Variants in CACNA1B observed in about 807,000 individuals in gnomAD.
CACNA1B encodes voltage-dependent N-type calcium channel subunit alpha-1B.
CACNA1B carries 70 observed loss-of-function variants against 247.2 expected under a neutral mutation model. The observed-to-expected ratio is 0.28, with a 90% confidence interval of 0.23 to 0.35. The LOEUF (loss-of-function observed/expected upper bound fraction) is 0.35. Ranked by LOEUF, CACNA1B falls within the 10% of genes least tolerant of loss-of-function variation. The pLI, the probability that CACNA1B is intolerant of heterozygous loss-of-function variation, is 1.00. For synonymous variants in CACNA1B, 1,231 were observed against 1,294.4 expected, an observed-to-expected ratio of 0.95 and a Z score of 1.05; for missense variants, 2,367 against 3,197.4, an observed-to-expected ratio of 0.74 and a Z score of 6.26.
At chr9:138,001,837 A>G (rs1404583355) in intron 15 of CACNA1B, among the ~76,000 whole-genome samples, 1 of 152,212 alleles carries the variant, frequency 6.6e-6, no homozygotes, top group Non-Finnish European at 1.5e-5. Context: ...AGGTACCCAG[A>G]AATAAATCTA....
chr9:138,006,431 T>C (rs1395512526), intron 15 of CACNA1B, among the ~76,000 whole-genome samples: 2 of 152,174 alleles, frequency 1.3e-5, no homozygotes, highest in Non-Finnish European at 2.9e-5. Flanking sequence ...ATGGCGCTGT[T>C]TCGTCTCTCC....
chr9:137,894,138 CAAGAGTACA>C lies in CACNA1B; in HGVS notation c.530+11266_530+11274del, dbSNP rs149005047. Among the ~76,000 whole-genome samples, 1,169 of 152,130 alleles carry C rather than the reference CAAGAGTACA, an allele frequency of 7.7e-3. 14 individuals are homozygous for C. The highest frequency in any genetic ancestry group is 0.024 in the African/African-American group (977 of 41,512). On this transcript the variant is annotated intron_variant, in intron 3 of 46. Transcript: ENST00000371372. ...TTCTCACTTCTCTGGGATAAATGAC[CAAGAGTACA>C]AAGAGTACAATCATTAGGCCATGCT...
chr9:138,079,301 G>C (rs1465991243), intron 36 of CACNA1B, among the ~76,000 whole-genome samples: 1 of 152,256 alleles, frequency 6.6e-6, no homozygotes, highest in East Asian at 1.9e-4. Context: ...TCTACCCCAA[G>C]GGCATTGAGG....
chr9:138,120,577 C>G, intron 45 of CACNA1B, 54 bp from the exon 46 acceptor site: 2 of 1,461,804 alleles, frequency 1.4e-6, no homozygotes, highest in Non-Finnish European at 1.8e-6. Flanking sequence ...GCCCGGGGGT[C>G]AGGGGTCCCT....
chr9:137,960,222 C>T (rs1440760897), intron 10 of CACNA1B, among the ~76,000 whole-genome samples: 6 of 11,560 alleles, frequency 5.2e-4, no homozygotes, highest in African/African-American at 1.7e-3. Flanking sequence ...GAAGGTCGGC[C>T]GGAGGGAAGC....
rs1043182414 is a variant in CACNA1B, at chr9:137,954,275, C to T, written c.1071-1423C>T. ...CAGCCTTGCTCTGTGGGAAAAGCCG[C>T]GGCTCTGCCATGTCTGGGCGAGAGC... On this transcript the variant is annotated intron_variant, in intron 7 of 46. Coordinates refer to ENST00000371372, the MANE Select transcript of CACNA1B (RefSeq NM_000718.4). This position sits in a 1 kb window ranked among gnomAD's most constrained non-coding sequence, Gnocchi z 4.1. Among the ~76,000 whole-genome samples, 11 of 152,182 alleles carry T rather than the reference C, an allele frequency of 7.2e-5. No homozygotes were observed. Among genetic ancestry groups the T allele is most frequent in the Non-Finnish European group, 1.5e-4 (10 of 68,016 alleles).
intron 20 of CACNA1B, among the ~76,000 whole-genome samples, chr9:138,035,386 G>A (rs1003415098): frequency 2.0e-5 from 3 of 152,196 alleles, no homozygotes; most frequent in South Asian, 2.1e-4. Flanking sequence ...TTGAACCCAG[G>A]AGGTGGAGAC....
rs529775086 is a variant in CACNA1B, at chr9:137,990,040, C to T, written c.1974+3186C>T. On this transcript the variant is annotated intron_variant, in intron 15 of 46. Transcript: ENST00000371372. This position sits in a 1 kb window ranked among gnomAD's most constrained non-coding sequence, Gnocchi z 4.5. ...GCTCCAAGAACTACCACGGGAAGTT[C>T]TTGGAACTACCACAGGCAAGTTCTC... Among the ~76,000 whole-genome samples the T allele has an allele frequency of 3.9e-5, 6 of 152,230 alleles. No individual in the cohort carries two copies. Among genetic ancestry groups the T allele is most frequent in the Admixed American group, 3.9e-4 (6 of 15,302 alleles).
intron 12 of CACNA1B, among the ~76,000 whole-genome samples, chr9:137,982,372 A>G (rs1012241686): frequency 5.9e-5 from 9 of 152,144 alleles, no homozygotes; most frequent in Non-Finnish European, 7.3e-5. Flanking sequence ...TTATGACATG[A>G]TATTTGGTGT....
intron 11 of CACNA1B, 43 bp from the exon 12 acceptor site, chr9:137,975,864 A>C (rs201995982): frequency 2.5e-5 from 30 of 1,209,318 alleles, no homozygotes; most frequent in Non-Finnish European, 3.4e-5. Context: ...CCAGAGTGGG[A>C]GGAGGCCTCG....
At chr9:137,903,219 T>G (rs1012424248) in intron 3 of CACNA1B, among the ~76,000 whole-genome samples, 1 of 151,902 alleles carries the variant, frequency 6.6e-6, no homozygotes, top group African/African-American at 2.4e-5. Flanking sequence ...CCGTCTCTAC[T>G]AAAAATACAA....
chr9:138,087,030 A>G (rs1164896160), intron 36 of CACNA1B, among the ~76,000 whole-genome samples: 2 of 151,166 alleles, frequency 1.3e-5, no homozygotes, highest in African/African-American at 4.9e-5. Flanking sequence ...AAATTGTACA[A>G]ATTCATGAAA....
rs1362770479 is a variant in CACNA1B, at chr9:137,888,003, G to T, written c.530+5120G>T. On this transcript the variant is annotated intron_variant, in intron 3 of 46. Transcript: ENST00000371372. This position sits in a 1 kb window ranked among gnomAD's most constrained non-coding sequence, Gnocchi z 4.7. ...GCTCCAGCAGGGGAGAGGCTGGGAG[G>T]GTGGCGGGGGCAGGGGGGCCTTGGC... Among the ~76,000 whole-genome samples the T allele has an allele frequency of 1.3e-5, 2 of 151,934 alleles. No homozygotes were observed. Among genetic ancestry groups the T allele is most frequent in the East Asian group, 3.9e-4 (2 of 5,144 alleles).
chr9:138,111,472 G>A (rs1242092532), intron 39 of CACNA1B, among the ~76,000 whole-genome samples: 1 of 152,188 alleles, frequency 6.6e-6, no homozygotes, highest in Non-Finnish European at 1.5e-5. Flanking sequence ...ACACATCAGT[G>A]GTGGCAGAGG....
chr9:138,017,957 C>G (rs1958813930), intron 18 of CACNA1B, among the ~76,000 whole-genome samples: 1 of 114,542 alleles, frequency 8.7e-6, no homozygotes, highest in South Asian at 2.8e-4. Flanking sequence ...GGCCACCTGC[C>G]CTGATGGAAG....
intron 39 of CACNA1B, among the ~76,000 whole-genome samples, chr9:138,106,730 C>T (rs1158316635): frequency 1.3e-5 from 2 of 152,194 alleles, no homozygotes; most frequent in Admixed American, 6.5e-5. Flanking sequence ...TACCACGGCA[C>T]TCCAGCCTGG....
rs1589074260 is a variant in CACNA1B at position 138,022,862 on chromosome 9, C to G, written c.2268-149C>G. 4.5e-6 allele frequency: 5 copies of G among 1,099,518 alleles called. No homozygotes were observed. The East Asian group carries it at 1.3e-4, about 28-fold the overall frequency. The allele number at this position is 1,099,518 out of a possible 1,614,324, so 68.1% of individuals were successfully genotyped here. On this transcript the variant is annotated intron_variant, in intron 18 of 46. Transcript: ENST00000371372. ...TCCCTTGGGCGTTCCCCACCTGATC[C>G]GCGTCCCCCGAGGGGTGTGGGGGCT...
chr9:138,101,182 T>C (rs761990041), intron 37 of CACNA1B: 1 of 532,328 alleles, frequency 1.9e-6, no homozygotes, highest in Admixed American at 1.9e-5. Context: ...AGAACTGCCC[T>C]CGTAGGTTGG....
chr9:138,022,662 G>T (rs980333390), intron 18 of CACNA1B, among the ~76,000 whole-genome samples: 1 of 152,134 alleles, frequency 6.6e-6, no homozygotes, highest in Non-Finnish European at 1.5e-5. Flanking sequence ...CCCTCCCGCG[G>T]TGGCCTTCCT....
Sources: gnomAD v4.1 joint callset for allele counts (sites outside exome capture counted in the v4.1 genomes callset) on GRCh38, gnomAD v4.1.1 for gene constraint, Gnocchi (gnomAD v3.1) non-coding constraint, MANE v1.5 for transcripts, NCBI Gene and HGNC (gene_info 2026-07-23, HGNC 2026-07-21) for gene names.